The following SH3RF3 variants were observed in gnomAD, a reference collection of about 807,000 sequenced individuals.
The protein encoded by SH3RF3 is SH3 domain containing ring finger 3.
A neutral mutation model predicts 66.3 loss-of-function variants in SH3RF3; 29 were observed. The observed-to-expected ratio is 0.44, with a 90% CI of 0.33 to 0.60. The LOEUF (loss-of-function observed/expected upper bound fraction) is 0.60. SH3RF3 is among the 20% of genes least tolerant of loss of function. The probability of loss-of-function intolerance (pLI) is 0.04; values close to 1 mark genes in which losing one functional copy is unlikely to be tolerated. For synonymous variants in SH3RF3, 583 were observed against 532.0 expected, an observed-to-expected ratio of 1.10 and a Z score of -1.32; for missense variants, 1,194 against 1,190.9, an observed-to-expected ratio of 1.00 and a Z score of -0.04.
chr2:109,184,323 A>G (rs765688671), intron 1 of SH3RF3, among the ~76,000 whole-genome samples: 2 of 152,242 alleles, frequency 1.3e-5, no homozygotes, highest in Non-Finnish European at 2.9e-5. Context: ...ATCCTTGTTC[A>G]TAAAAATAAG....
intron 1 of SH3RF3, among the ~76,000 whole-genome samples, chr2:109,142,149 G>A (rs889996771): frequency 6.6e-6 from 1 of 151,936 alleles, no homozygotes; most frequent in African/African-American, 2.4e-5. Context: ...TGAGCTCCTG[G>A]AGAGCAGCAA....
rs766362764 is a variant in SH3RF3, at chr2:109,432,663, C to T, written c.1566C>T (p.Pro522=). The T allele has an allele frequency of 3.7e-6, 6 of 1,611,324 alleles. No homozygotes were observed. Among genetic ancestry groups the T allele is most frequent in the South Asian group, 1.1e-5 (1 of 90,430 alleles). The change falls in exon 6 of 10, where the codon CCC becomes CCT. Residue 522 remains proline (P), a synonymous_variant. Transcript: ENST00000309415. ...SGVFPGNYVT[P]VSRVPAGGAG... ...TGTTCCCCGGAAACTACGTGACACC[C>T]GTTTCCAGGTGAGGGCATGGTGGTG...
chr2:109,437,055 C>T lies in SH3RF3; in HGVS notation c.1737C>T (p.Ala579=). ...CCATCACCACTCCCCAGGCCCACGC[C>T]CAGCACCCCACAGCCTCGCCCCCAA... ...ALPITTPQAH[A]QHPTASPPTG... is the part of the protein sequence containing the mutation. The change falls in exon 7 of 10, where the codon GCC becomes GCT. Residue 579 remains alanine, a synonymous_variant. Coordinates refer to ENST00000309415, the MANE Select transcript of SH3RF3 (RefSeq NM_001099289.3). 6.2e-7 allele frequency: 1 copy of T among 1,613,842 alleles called. No homozygotes were observed. The highest frequency in any genetic ancestry group is 2.2e-5 in the East Asian group (1 of 44,878).
In SH3RF3 at chr2:109,150,121, A is replaced by G. The variant is rs957645110; in HGVS notation, c.573+20008A>G. 9.2e-5 allele frequency among the ~76,000 whole-genome samples: 14 copies of G among 152,214 alleles called. No homozygotes were observed. The East Asian group carries it at 2.3e-3, about 25-fold the overall frequency. ...CACTGATCTAAACTGCAGAAGGCCA[A>G]CAAAAGGTGGTGTAGAGGAAGTGGT... is the stretch of plus-strand genomic sequence containing the variant. On this transcript the variant is annotated intron_variant, in intron 1 of 9. Coordinates refer to ENST00000309415, the MANE Select transcript of SH3RF3 (RefSeq NM_001099289.3).
intron 1 of SH3RF3, among the ~76,000 whole-genome samples, chr2:109,169,650 A>G (rs1206706408): frequency 6.6e-6 from 1 of 152,130 alleles, no homozygotes; most frequent in East Asian, 1.9e-4. Context: ...TGGGCAATGT[A>G]TTTGAACATA....
chr2:109,413,973 G>A (rs1215086099), intron 4 of SH3RF3, among the ~76,000 whole-genome samples: 1 of 152,260 alleles, frequency 6.6e-6, no homozygotes, highest in Non-Finnish European at 1.5e-5. Context: ...CCCAAGACCA[G>A]TGGGTCCTTC....
At chr2:109,424,748 G>A (rs1279532726) in intron 5 of SH3RF3, among the ~76,000 whole-genome samples, 3 of 152,104 alleles carry the variant, frequency 2.0e-5, no homozygotes, top group African/African-American at 7.2e-5. Flanking sequence ...CGGCTCCACG[G>A]ACCCACCGTT....
intron 1 of SH3RF3, chr2:109,251,766 G>A (rs1680097486): frequency 3.6e-6 from 2 of 550,220 alleles, no homozygotes; most frequent in Non-Finnish European, 6.5e-6. Context: ...ATAAACTTTT[G>A]TAATAGTCAA....
In SH3RF3 at chr2:109,504,194, T is replaced by G. The variant is rs1679470566; in HGVS notation, c.*2523T>G. 6.6e-6 allele frequency: 1 copy of G among 152,252 alleles called. No homozygotes were observed. Among genetic ancestry groups the G allele is most frequent in the Admixed American group, 6.5e-5 (1 of 15,284 alleles). The allele number at this position is 152,252 out of a possible 1,614,324, so 9.4% of individuals were successfully genotyped here. The stretch of plus-strand genomic sequence containing the variant: ...TCAAAGGGTACACATGTTTGGCGGT[T>G]AAGATGAAACTAACCCTTATGTTTC... On this transcript the variant is annotated 3_prime_UTR_variant, in exon 10 of 10. Coordinates refer to ENST00000309415, the MANE Select transcript of SH3RF3 (RefSeq NM_001099289.3).
chr2:109,168,026 C>G (rs893271323), intron 1 of SH3RF3, among the ~76,000 whole-genome samples: 4 of 152,094 alleles, frequency 2.6e-5, no homozygotes, highest in African/African-American at 9.7e-5. Context: ...GGGAGGGAAG[C>G]CTGTTCTGTG....
chr2:109,298,461 A>G (rs1304031619), intron 1 of SH3RF3, among the ~76,000 whole-genome samples: 1 of 152,090 alleles, frequency 6.6e-6, no homozygotes, highest in African/African-American at 2.4e-5. Flanking sequence ...GGCTCAGGGA[A>G]AAACCATTTC....
intron 8 of SH3RF3, among the ~76,000 whole-genome samples, chr2:109,484,993 T>G (rs1678931951): frequency 6.6e-6 from 1 of 152,238 alleles, no homozygotes; most frequent in Non-Finnish European, 1.5e-5. Context: ...CTGGTGAGTT[T>G]TTACCTCCCC....
chr2:109,430,788 G>T (rs570481274), intron 5 of SH3RF3, among the ~76,000 whole-genome samples: 68 of 152,146 alleles, frequency 4.5e-4, no homozygotes, highest in Non-Finnish European at 8.5e-4. Context: ...ATGATTTTGT[G>T]TATCCTCCTG....
At chr2:109,396,297 C>G (rs748309572) in intron 3 of SH3RF3, among the ~76,000 whole-genome samples, 1 of 152,306 alleles carries the variant, frequency 6.6e-6, no homozygotes, top group African/African-American at 2.4e-5. Flanking sequence ...ACAGCTGAGC[C>G]TGGTTGGAGG....
intron 8 of SH3RF3, among the ~76,000 whole-genome samples, chr2:109,471,233 A>C (rs1330426588): frequency 1.3e-5 from 2 of 149,312 alleles, no homozygotes; most frequent in Non-Finnish European, 3.0e-5. Flanking sequence ...AAAAAAAAAG[A>C]AATTAATACC....
chr2:109,174,377 T>A (rs1677869896), intron 1 of SH3RF3, among the ~76,000 whole-genome samples: 1 of 152,244 alleles, frequency 6.6e-6, no homozygotes, highest in Non-Finnish European at 1.5e-5. Flanking sequence ...CCTTTCATTT[T>A]TTTTCTATAC....
intron 1 of SH3RF3, among the ~76,000 whole-genome samples, chr2:109,196,274 C>T (rs552412603): frequency 6.6e-6 from 1 of 152,348 alleles, no homozygotes; most frequent in Non-Finnish European, 1.5e-5. Context: ...CTCCTGGGCC[C>T]CTGGGCTGCT....
At chr2:109,334,844 T>C (rs1682372889) in intron 1 of SH3RF3, among the ~76,000 whole-genome samples, 1 of 152,242 alleles carries the variant, frequency 6.6e-6, no homozygotes, top group African/African-American at 2.4e-5. Flanking sequence ...TCAGTAGCAC[T>C]TCCAGGACAG....
chr2:109,216,147 C>T (rs780460708), intron 1 of SH3RF3, among the ~76,000 whole-genome samples: 18 of 152,238 alleles, frequency 1.2e-4, no homozygotes, highest in Non-Finnish European at 2.2e-4. Flanking sequence ...AGCTCAGCAT[C>T]GGTGGGGAGT....
Sources: allele counts gnomAD v4.1 joint callset (sites outside exome capture counted in the v4.1 genomes callset), GRCh38; gene constraint gnomAD v4.1.1; transcripts MANE v1.5; gene names NCBI Gene and HGNC (gene_info 2026-07-23, HGNC 2026-07-21).